Variants in CEBPZ observed in about 807,000 individuals in gnomAD.
CEBPZ encodes CCAAT/enhancer-binding protein zeta.
Under a neutral mutation model 104.5 loss-of-function variants are expected in CEBPZ, and 78 were observed. The observed-to-expected ratio is 0.75, with a 90% CI of 0.62 to 0.90. The LOEUF (loss-of-function observed/expected upper bound fraction) is 0.90, where lower values mean the gene tolerates loss of function less well. CEBPZ is among the 40% of genes least tolerant of loss of function. The pLI, the probability that CEBPZ is intolerant of heterozygous loss-of-function variation, is 0.00. For synonymous variants in CEBPZ, 470 were observed against 427.0 expected (o/e 1.10, Z -1.24); for missense variants, 1,439 against 1,233.5 (o/e 1.17, Z -2.50).
At chr2:37,214,802 A>T in intron 9 of CEBPZ, 84 bp downstream of exon 9, 1 of 831,894 alleles carries the variant, frequency 1.2e-6, no homozygotes, top group Non-Finnish European at 2.0e-6. Context: ...GAAGTAGATT[A>T]TTTCATAAAA....
At position 37,217,771 on chromosome 2, in the gene CEBPZ, G is replaced by A. The variant is rs578252862; in HGVS notation, c.2155-734C>T. Among the ~76,000 whole-genome samples, 12 of 150,902 alleles carry A rather than the reference G, an allele frequency of 8.0e-5. No homozygotes were observed. In the South Asian group the frequency reaches 2.3e-3, roughly 29 times the overall value. ...CAAAAAATTAGCCGGGCGTGGTGGC[G>A]GGTGCCTGTAGTCCCAGCTACTCGG... On this transcript the variant is annotated intron_variant, in intron 5 of 15. Coordinates refer to ENST00000234170, the MANE Select transcript of CEBPZ (RefSeq NM_005760.3).
chr2:37,221,718 C>G (rs1488469147), intron 4 of CEBPZ, among the ~76,000 whole-genome samples: 2 of 152,196 alleles, frequency 1.3e-5, no homozygotes, highest in Non-Finnish European at 2.9e-5. Context: ...TATCAGACTT[C>G]TCTTTTGTAC....
At chr2:37,207,352 T>C (rs563118058) in intron 13 of CEBPZ, among the ~76,000 whole-genome samples, 2 of 152,316 alleles carry the variant, frequency 1.3e-5, no homozygotes, top group East Asian at 3.9e-4. Context: ...AGAATATACA[T>C]TATTTTCACC....
chr2:37,216,467 G>A, intron 6 of CEBPZ, 49 bp from the exon 7 acceptor site: 1 of 1,297,806 alleles, frequency 7.7e-7, no homozygotes, highest in Non-Finnish European at 1.1e-6. Context: ...TTATGTCTAT[G>A]AATCCAAGTA....
At chr2:37,223,969 C>T (rs777822769) in intron 2 of CEBPZ, among the ~76,000 whole-genome samples, 9 of 152,192 alleles carry the variant, frequency 5.9e-5, no homozygotes, top group Non-Finnish European at 1.0e-4. Context: ...CAGAGTGCTT[C>T]TCTCCAACTC....
chr2:37,227,586 G>C lies in CEBPZ; in HGVS notation c.1607C>G (p.Ser536Cys), dbSNP rs144302948. The C allele has an allele frequency of 3.1e-6, 5 of 1,613,698 alleles. No individual in the cohort carries two copies. In the East Asian group the frequency reaches 1.1e-4, roughly 36 times the overall value. Residue 536 changes from serine (S) to cysteine (C), a missense_variant, in exon 2 of 16, where the codon TCT becomes TGT. Transcript: ENST00000234170. ...ATATCGATCCGATATTGTCTGCTGA[G>C]AATTCATTACTTGGAAAAGCAACAT... ...ALMLLFQVMN[S>C]QQTISDRYYT... is the part of the protein sequence containing the mutation.
At chr2:37,226,290 A>G (rs72875758) in intron 2 of CEBPZ, among the ~76,000 whole-genome samples, 3,391 of 152,332 alleles carry the variant, frequency 0.022, 77 homozygotes, top group African/African-American at 0.062. Context: ...CCTACATCAC[A>G]GACTGGAGAG....
In CEBPZ at chr2:37,228,182, G is replaced by T. The variant is rs1306477685; in HGVS notation, c.1011C>A (p.His337Gln). Residue 337 changes from histidine (H) to glutamine (Q), a missense_variant, in exon 2 of 16, where the codon CAC becomes CAA. By Grantham distance (24) the His-to-Gln change is conservative (BLOSUM62 0). Coordinates refer to ENST00000234170, the MANE Select transcript of CEBPZ (RefSeq NM_005760.3). ...ATTCAGCCACTAAGTGTTTCAGCTG[G>T]TGTTCAAAATACCATAATATCAGTC... ...DRRLILWYFEHQLKHLVAEFV... is the reference protein window; with the variant it reads ...DRRLILWYFEQQLKHLVAEFV... 6.2e-7 allele frequency: 1 copy of T among 1,614,084 alleles called. No individual in the cohort carries two copies. The highest frequency in any genetic ancestry group is 1.1e-5 in the South Asian group (1 of 91,082).
At position 37,228,648 on chromosome 2, in the gene CEBPZ, T is replaced by C. The variant is rs1664952433; in HGVS notation, c.545A>G (p.Lys182Arg). The change falls in exon 2 of 16, where the codon AAA becomes AGA. Residue 182 changes from lysine (K) to arginine (R), a missense_variant. Coordinates refer to ENST00000234170, the MANE Select transcript of CEBPZ (RefSeq NM_005760.3). ...RQTLLLRPGG[K>R]WYDLEYSNEY... ...ATTGCTGTACTCCAGATCATACCAT[T>C]TGCCTCCAGGCCTAAGTAACAAAGT... 6.2e-7 allele frequency: 1 copy of C among 1,614,032 alleles called. No individual in the cohort carries two copies.
At position 37,201,774 on chromosome 2, in the gene CEBPZ, TG is replaced by T. The variant is rs757388573; in HGVS notation, c.3154del (p.Gln1052LysfsTer8). 2 of 1,424,708 alleles carry T rather than the reference TG, an allele frequency of 1.4e-6. No individual in the cohort carries two copies. Among genetic ancestry groups the T allele is most frequent in the Non-Finnish European group, 2.0e-6 (2 of 1,009,478 alleles). The allele number at this position is 1,424,708 out of a possible 1,614,324, so 88.3% of individuals were successfully genotyped here. The part of the protein sequence containing the change: ...RIKTTQKTKK[Q>X]RK ...ATTTACATTAATAACTCATTTCCTT[TG>T]TTTTTTAGTTTTTTGAGTGGTTTTA... On this transcript the variant is annotated frameshift_variant, in exon 16 of 16. Coordinates refer to ENST00000234170, the MANE Select transcript of CEBPZ (RefSeq NM_005760.3). LOFTEE classifies it high-confidence loss of function.
At chr2:37,230,566 A>T (rs1206190539) in intron 1 of CEBPZ, among the ~76,000 whole-genome samples, 1 of 152,232 alleles carries the variant, frequency 6.6e-6, no homozygotes, top group Non-Finnish European at 1.5e-5. Context: ...TCCAGTCTCC[A>T]AACAAAATAA....
Position 37,228,490 on chromosome 2 carries a change from T to C in CEBPZ, c.703A>G (p.Met235Val), listed in dbSNP as rs1276589532. Residue 235 changes from methionine to valine, a missense_variant, in exon 2 of 16, where the codon ATG becomes GTG. Met to Val is a conservative substitution (Grantham distance 21). Coordinates refer to ENST00000234170, the MANE Select transcript of CEBPZ (RefSeq NM_005760.3). The part of the protein sequence containing the change: ...NSQKGASSTW[M>V]KAIVSSGTLG... ...GTCCCCGATGACACAATTGCCTTCA[T>C]CCAGGTAGAAGAGGCTCCCTTTTGA... is the stretch of plus-strand genomic sequence containing the variant. The C allele has an allele frequency of 6.2e-7, 1 of 1,614,120 alleles. No individual in the cohort carries two copies. The highest frequency in any genetic ancestry group is 1.3e-5 in the African/African-American group (1 of 74,944).
chr2:37,209,330 T>C (rs908975932), intron 13 of CEBPZ: 5 of 152,154 alleles, frequency 3.3e-5, no homozygotes, highest in Admixed American at 6.5e-5. Context: ...AGAGCCTGCA[T>C]AGCCAAGCAA....
At chr2:37,231,236 T>C (rs1317954722) in intron 1 of CEBPZ, 176 bp downstream of exon 1, 2 of 822,338 alleles carry the variant, frequency 2.4e-6, no homozygotes, top group East Asian at 5.3e-5. Flanking sequence ...AACTTTTCTT[T>C]TGTAAACAGC....
chr2:37,220,410 T>G lies in CEBPZ; in HGVS notation c.2129A>C (p.Asn710Thr). 6.3e-7 allele frequency: 1 copy of G among 1,596,480 alleles called. No homozygotes were observed. Among genetic ancestry groups the G allele is most frequent in the Non-Finnish European group, 8.6e-7 (1 of 1,169,344 alleles). ...SRNPLFCGAENTSLWELKKLS... is the reference protein window; with the variant it reads ...SRNPLFCGAETTSLWELKKLS... Reference sequence around the variant, plus strand: ...CTTTTTGAGTTCCCAAAGACTTGTATTTTCAGCTCCACAGAACAGAGGGTT... The same window carrying G: ...CTTTTTGAGTTCCCAAAGACTTGTAGTTTCAGCTCCACAGAACAGAGGGTT... Residue 710 changes from asparagine (N) to threonine (T), a missense_variant, in exon 5 of 16, where the codon AAT becomes ACT. By Grantham distance (65) the Asn-to-Thr change is moderately conservative. Transcript: ENST00000234170.
chr2:37,217,908 A>AC (rs1553350868), intron 5 of CEBPZ, among the ~76,000 whole-genome samples: 199 of 150,718 alleles, frequency 1.3e-3, no homozygotes, highest in African/African-American at 4.7e-3. Context: ...TCTCAAAAAA[A>AC]AAAAACAAAA....
chr2:37,225,608 CTGCGGAA>C (rs1310160312), intron 2 of CEBPZ, among the ~76,000 whole-genome samples: 35 of 88,236 alleles, frequency 4.0e-4, no homozygotes, highest in African/African-American at 1.4e-3. Flanking sequence ...GACACAAAAA[CTGCGGAA>C]GGCCGCAGGG....
chr2:37,202,916 T>C, intron 14 of CEBPZ, 34 bp downstream of exon 14: 1 of 1,594,066 alleles, frequency 6.3e-7, no homozygotes, highest in South Asian at 1.1e-5. Context: ...TAATGTAGAA[T>C]AGCTAGCTTG....
In CEBPZ at chr2:37,214,953, C is replaced by T. The variant is rs1677832872; in HGVS notation, c.2381-1G>A. 6.2e-7 allele frequency: 1 copy of T among 1,600,092 alleles called. No homozygotes were observed. Among genetic ancestry groups the T allele is most frequent in the Non-Finnish European group, 8.6e-7 (1 of 1,168,144 alleles). ...TTTGCAAGGAACTCCTTACTGTTCA[C>T]TACAAAAATAAATTTAAACATTTTA... On this transcript the variant is annotated splice_acceptor_variant, in intron 8 of 15. Coordinates refer to ENST00000234170, the MANE Select transcript of CEBPZ (RefSeq NM_005760.3). LOFTEE classifies it high-confidence loss of function.
Sources: allele counts gnomAD v4.1 joint callset (sites outside exome capture counted in the v4.1 genomes callset), GRCh38; gene constraint gnomAD v4.1.1; transcripts MANE v1.5; gene names NCBI Gene and HGNC (gene_info 2026-07-23, HGNC 2026-07-21).